AVL9: variants seen among roughly 807,000 people sequenced by gnomAD.
AVL9 encodes the protein late secretory pathway protein AVL9 homolog.
A neutral mutation model predicts 79.2 loss-of-function variants in AVL9; 49 were observed. The observed-to-expected ratio is 0.62, with a 90% CI of 0.49 to 0.79. AVL9 has a LOEUF of 0.79. AVL9 is among the 30% of genes least tolerant of loss of function. AVL9 has a pLI of 0.00. For synonymous variants in AVL9, 299 were observed against 280.6 expected, an observed-to-expected ratio of 1.07 and a Z score of -0.65; for missense variants, 682 against 776.8, an observed-to-expected ratio of 0.88 and a Z score of 1.45.
At chr7:32,569,472 CAG>C (rs1219793499) in intron 10 of AVL9, among the ~76,000 whole-genome samples, 2 of 152,180 alleles carry the variant, frequency 1.3e-5, no homozygotes, top group East Asian at 1.9e-4. Context: ...ATTAAATACA[CAG>C]ATACTACCAG....
Position 32,565,388 on chromosome 7 carries a change from C to T in AVL9, c.1216-4632C>T, listed in dbSNP as rs530282365. Among the ~76,000 whole-genome samples, 3 of 151,974 alleles carry T rather than the reference C, an allele frequency of 2.0e-5. No individual in the cohort carries two copies. The South Asian group carries it at 6.2e-4, about 32-fold the overall frequency. ...CAGCCTGACCAACATGGAGAAACCC[C>T]GTCTCTACTAAAGATACAAAATTAG... On this transcript the variant is annotated intron_variant, in intron 10 of 15. Transcript: ENST00000318709.
At chr7:32,543,808 C>G (rs1217313267) in intron 2 of AVL9, among the ~76,000 whole-genome samples, 1 of 152,162 alleles carries the variant, frequency 6.6e-6, no homozygotes, top group African/African-American at 2.4e-5. Context: ...TAACTGAGTA[C>G]TTTGCCTGAC....
chr7:32,535,994 C>A (rs1360178815), intron 1 of AVL9: 1 of 152,226 alleles, frequency 6.6e-6, no homozygotes, highest in African/African-American at 2.4e-5. Flanking sequence ...CCTTTGCCTT[C>A]CGCCATGATT....
chr7:32,503,492 A>T, intron 1 of AVL9, among the ~76,000 whole-genome samples: 1 of 139,218 alleles, frequency 7.2e-6, no homozygotes, highest in Non-Finnish European at 1.5e-5. Context: ...TGGGAGGCAG[A>T]GGTTGCAGTG....
At position 32,559,248 on chromosome 7, in the gene AVL9, T is replaced by A. The variant is rs147805809; in HGVS notation, c.999T>A (p.Thr333=). The A allele has an allele frequency of 6.2e-7, 1 of 1,614,108 alleles. No homozygotes were observed. Among genetic ancestry groups the A allele is most frequent in the Non-Finnish European group, 8.5e-7 (1 of 1,180,048 alleles). Residue 333 remains threonine, a synonymous_variant, in exon 10 of 16, where the codon ACT becomes ACA. Transcript: ENST00000318709. ...SPDSSESDWE[T]LDPSVLEDPN... ...ATTCTTCAGAAAGTGACTGGGAAAC[T>A]TTGGATCCTAGTGTCTTAGAGGACC... is the stretch of plus-strand genomic sequence containing the variant.
intron 1 of AVL9, chr7:32,536,233 T>C (rs1788902012): frequency 6.6e-6 from 1 of 152,222 alleles, no homozygotes; most frequent in Non-Finnish European, 1.5e-5. Context: ...TTCATGTAAA[T>C]GACAATGTCT....
chr7:32,574,552 G>C (rs898249802), intron 12 of AVL9, among the ~76,000 whole-genome samples: 1 of 152,054 alleles, frequency 6.6e-6, no homozygotes, highest in Non-Finnish European at 1.5e-5. Context: ...CCAGGAGGCT[G>C]TAAGCACTGA....
chr7:32,557,046 T>C (rs1421019973), intron 8 of AVL9, among the ~76,000 whole-genome samples: 5 of 152,214 alleles, frequency 3.3e-5, no homozygotes, highest in Non-Finnish European at 5.9e-5. Flanking sequence ...TACTTCAGGA[T>C]ATATTTCTTA....
intron 1 of AVL9, among the ~76,000 whole-genome samples, chr7:32,520,417 G>A (rs1788089009): frequency 6.6e-6 from 1 of 152,104 alleles, no homozygotes. Context: ...GCTCACTATT[G>A]AACAATCCCT....
chr7:32,542,337 C>G (rs919894779), intron 1 of AVL9, among the ~76,000 whole-genome samples: 3 of 140,180 alleles, frequency 2.1e-5, no homozygotes, highest in African/African-American at 8.2e-5. Context: ...GTCAGGAGTT[C>G]GAGACTAGCC....
Position 32,583,865 on chromosome 7 carries a change from C to G in AVL9, c.1905C>G (p.Ser635=), listed in dbSNP as rs34778959. 273,544 of 1,613,124 alleles carry G rather than the reference C, an allele frequency of 0.17. 24,998 individuals carry two copies. Among genetic ancestry groups the G allele is most frequent in the South Asian group, 0.3 (27,001 of 91,034 alleles). ...MSSWLSTFTT[S]TSQSLTEPPD... Reference sequence around the variant, plus strand: ...CATGGCTTTCCACTTTCACCACTTCCACCTCCCAAAGTCTCACTGAGCCAC... The same window carrying G: ...CATGGCTTTCCACTTTCACCACTTCGACCTCCCAAAGTCTCACTGAGCCAC... The change falls in exon 16 of 16, where the codon TCC becomes TCG. Residue 635 remains serine, a synonymous_variant. Transcript: ENST00000318709.
At chr7:32,517,492 G>A (rs1010005339) in intron 1 of AVL9, among the ~76,000 whole-genome samples, 3 of 151,902 alleles carry the variant, frequency 2.0e-5, no homozygotes, top group Admixed American at 6.6e-5. Context: ...TTTTAGTAGA[G>A]ACGGGGTTTC....
At chr7:32,535,544 C>T (rs1222687444) in intron 1 of AVL9, 2 of 152,140 alleles carry the variant, frequency 1.3e-5, no homozygotes, top group African/African-American at 2.4e-5. Flanking sequence ...TACTCACTAC[C>T]CACATTGCAG....
intron 1 of AVL9, among the ~76,000 whole-genome samples, chr7:32,542,500 G>A (rs1313706582): frequency 2.0e-5 from 3 of 152,070 alleles, no homozygotes; most frequent in Non-Finnish European, 4.4e-5. Context: ...AGGTTGCAGT[G>A]AGCTGAGATC....
chr7:32,548,111 C>T (rs1386063932), intron 3 of AVL9, among the ~76,000 whole-genome samples: 1 of 147,008 alleles, frequency 6.8e-6, no homozygotes, highest in Non-Finnish European at 1.5e-5. Context: ...GTTCTTCCAT[C>T]TCTGGAGAAC....
intron 15 of AVL9, chr7:32,581,130 A>G (rs1270231656): frequency 4.2e-6 from 2 of 472,860 alleles, no homozygotes; most frequent in Non-Finnish European, 7.6e-6. Context: ...TTTGCTACCA[A>G]GATTCAAGCT....
At chr7:32,497,158 C>G (rs1786864780) in intron 1 of AVL9, among the ~76,000 whole-genome samples, 1 of 152,036 alleles carries the variant, frequency 6.6e-6, no homozygotes, top group African/African-American at 2.4e-5. Flanking sequence ...GAGTTCGAAA[C>G]CAGCCTGGAC....
intron 1 of AVL9, among the ~76,000 whole-genome samples, chr7:32,510,830 C>G (rs1457109511): frequency 8.0e-5 from 10 of 125,688 alleles, no homozygotes; most frequent in African/African-American, 3.0e-4. Flanking sequence ...TGAGGGAAGC[C>G]GTCTCTCCAG....
intron 1 of AVL9, among the ~76,000 whole-genome samples, chr7:32,512,774 A>G (rs1181785140): frequency 6.6e-6 from 1 of 152,182 alleles, no homozygotes; most frequent in Non-Finnish European, 1.5e-5. Flanking sequence ...ATAAGAAACA[A>G]CTTGCTAAAA....
Sources: allele counts gnomAD v4.1 joint callset (sites outside exome capture counted in the v4.1 genomes callset), GRCh38; gene constraint gnomAD v4.1.1; transcripts MANE v1.5; gene names NCBI Gene and HGNC (gene_info 2026-07-23, HGNC 2026-07-21).